The following SIL1 variants were observed in gnomAD, a reference collection of about 807,000 sequenced individuals.
SIL1 encodes the protein SIL1 nucleotide exchange factor.
A neutral mutation model predicts 49.1 loss-of-function variants in SIL1; 40 were observed. That is an observed-to-expected ratio of 0.81 (90% CI 0.63 to 1.06). The LOEUF (loss-of-function observed/expected upper bound fraction) is 1.06, where lower values mean the gene tolerates loss of function less well. Among genes scored for constraint, SIL1 ranks in the 50% least tolerant of loss-of-function variants. The pLI is 0.00. For missense variants in SIL1, 500 were observed against 572.6 expected (o/e 0.87, Z 1.29); for synonymous variants, 253 against 250.8 (o/e 1.01, Z -0.08).
Position 139,082,452 on chromosome 5 carries a change from G to C in SIL1, c.245-31406C>G, listed in dbSNP as rs867563791. Among the ~76,000 whole-genome samples, 97 of 152,130 alleles carry C rather than the reference G, an allele frequency of 6.4e-4. 1 individual carries two copies. The highest frequency in any genetic ancestry group is 2.2e-3 in the African/African-American group (91 of 41,410). On this transcript the variant is annotated intron_variant, in intron 3 of 9. Transcript: ENST00000394817. ...AAGAAAGCTGATTGAAACAAAATAG[G>C]AAAGTCTCTCCCCATGTGCTACAAG...
chr5:138,949,780 C>G (rs1270451705), intron 9 of SIL1, among the ~76,000 whole-genome samples: 1 of 114,164 alleles, frequency 8.8e-6, no homozygotes, highest in African/African-American at 3.3e-5. Context: ...CACTGGGTGA[C>G]AGAGAGAGAC....
intron 4 of SIL1, 29 bp downstream of exon 4, chr5:139,050,909 C>G: frequency 3.2e-6 from 5 of 1,562,862 alleles, no homozygotes; most frequent in Non-Finnish European, 4.4e-6. Flanking sequence ...TATCACTTAG[C>G]CTCCCAGTCC....
chr5:139,105,439 C>T (rs962965471), intron 3 of SIL1, among the ~76,000 whole-genome samples: 1 of 152,110 alleles, frequency 6.6e-6, no homozygotes, highest in Admixed American at 6.5e-5. Flanking sequence ...TAAATCAATC[C>T]CTCACTGCAA....
chr5:139,170,962 C>T (rs1334246684), intron 1 of SIL1, among the ~76,000 whole-genome samples: 2 of 148,468 alleles, frequency 1.3e-5, no homozygotes, highest in East Asian at 4.1e-4. Context: ...GGGGGTCAGT[C>T]CCCCGCCCGG....
intron 3 of SIL1, among the ~76,000 whole-genome samples, chr5:139,102,945 C>A (rs1345575631): frequency 1.3e-5 from 2 of 152,036 alleles, no homozygotes; most frequent in Non-Finnish European, 2.9e-5. Flanking sequence ...AACTCCCAAC[C>A]TCAGGTGATC....
At chr5:139,195,340 C>A (rs1025075106) in intron 1 of SIL1, among the ~76,000 whole-genome samples, 1 of 152,100 alleles carries the variant, frequency 6.6e-6, no homozygotes, top group Admixed American at 6.5e-5. Context: ...ATGTGTAATA[C>A]GTCATTTAAC....
At chr5:139,060,969 AG>A (rs1743851303) in intron 3 of SIL1, among the ~76,000 whole-genome samples, 1 of 152,186 alleles carries the variant, frequency 6.6e-6, no homozygotes, top group Admixed American at 6.5e-5. Context: ...TGCCCACAGG[AG>A]GCAGGAGGCA....
chr5:139,009,150 A>G (rs1768193004), intron 7 of SIL1, among the ~76,000 whole-genome samples: 1 of 150,808 alleles, frequency 6.6e-6, no homozygotes, highest in African/African-American at 2.4e-5. Context: ...GTGCTCCTGT[A>G]TTGGGTGCAT....
At chr5:139,176,844 T>G (rs776623264) in intron 1 of SIL1, among the ~76,000 whole-genome samples, 1 of 151,990 alleles carries the variant, frequency 6.6e-6, no homozygotes, top group Non-Finnish European at 1.5e-5. Flanking sequence ...TTATTCCCTA[T>G]TTAGAGCTGA....
chr5:139,012,262 C>T (rs1281333526), intron 7 of SIL1: 3 of 152,326 alleles, frequency 2.0e-5, no homozygotes, highest in Admixed American at 1.3e-4. Context: ...CTTATGTTGC[C>T]CAGGCTGGTC....
At chr5:139,104,180 T>C (rs1427121017) in intron 3 of SIL1, among the ~76,000 whole-genome samples, 2 of 152,236 alleles carry the variant, frequency 1.3e-5, no homozygotes, top group Non-Finnish European at 2.9e-5. Flanking sequence ...GCTGTGAGCC[T>C]TTAAAGACGG....
At chr5:138,950,502 G>A (rs1766745575) in intron 9 of SIL1, among the ~76,000 whole-genome samples, 1 of 152,230 alleles carries the variant, frequency 6.6e-6, no homozygotes, top group South Asian at 2.1e-4. Flanking sequence ...CGGCTGCCCA[G>A]CCCTGCTCCA....
At chr5:138,973,378 A>G (rs546436464) in intron 7 of SIL1, among the ~76,000 whole-genome samples, 71 of 150,082 alleles carry the variant, frequency 4.7e-4, no homozygotes, top group African/African-American at 1.6e-3. Flanking sequence ...CATGGTAAAG[A>G]AAAAAAAAAT....
intron 7 of SIL1, among the ~76,000 whole-genome samples, chr5:138,955,097 T>C (rs943953903): frequency 3.3e-5 from 5 of 152,108 alleles, no homozygotes; most frequent in Non-Finnish European, 5.9e-5. Context: ...GGCCCACCCC[T>C]GGAGGGACCA....
At chr5:139,192,772 A>G (rs1752196785) in intron 1 of SIL1, among the ~76,000 whole-genome samples, 2 of 151,802 alleles carry the variant, frequency 1.3e-5, no homozygotes, top group African/African-American at 4.8e-5. Flanking sequence ...CCGAGGCAGG[A>G]GAAATGCTTG....
intron 3 of SIL1, among the ~76,000 whole-genome samples, chr5:139,102,915 T>C (rs1006653218): frequency 4.6e-5 from 7 of 152,042 alleles, no homozygotes; most frequent in African/African-American, 1.5e-4. Flanking sequence ...GGTTTCTCCA[T>C]GTTGGTCAGG....
intron 7 of SIL1, among the ~76,000 whole-genome samples, chr5:139,009,722 A>C (rs1768208924): frequency 6.7e-6 from 1 of 148,514 alleles, no homozygotes; most frequent in African/African-American, 2.5e-5. Flanking sequence ...TCACTTATGA[A>C]GCTTAGCTTG....
intron 5 of SIL1, among the ~76,000 whole-genome samples, chr5:139,040,960 G>C (rs1357301286): frequency 6.6e-6 from 1 of 152,184 alleles, no homozygotes; most frequent in Non-Finnish European, 1.5e-5. Context: ...AAAGCAAAGA[G>C]AAGAGAACAA....
intron 7 of SIL1, 80 bp from the exon 8 acceptor site, chr5:138,951,964 C>T (rs1165950675): frequency 5.6e-6 from 7 of 1,255,088 alleles, no homozygotes; most frequent in Non-Finnish European, 8.1e-6. Context: ...CCCATGTCAG[C>T]CATCCCTGGG....
Sources: allele counts gnomAD v4.1 joint callset (sites outside exome capture counted in the v4.1 genomes callset), GRCh38; gene constraint gnomAD v4.1.1; transcripts MANE v1.5; gene names NCBI Gene and HGNC (gene_info 2026-07-23, HGNC 2026-07-21).